KCNN3: variants seen among roughly 807,000 people sequenced by gnomAD.
The protein encoded by KCNN3 is potassium calcium-activated channel subfamily N member 3.
Under a neutral mutation model 62.9 loss-of-function variants are expected in KCNN3, and 16 were observed. That is an observed-to-expected ratio of 0.25 (90% CI 0.17 to 0.39). The LOEUF (loss-of-function observed/expected upper bound fraction) is 0.39. Among genes scored for constraint, KCNN3 ranks in the 10% least tolerant of loss-of-function variants. KCNN3 has a pLI of 1.00. For missense variants in KCNN3, 599 were observed against 949.4 expected, an observed-to-expected ratio of 0.63 and a Z score of 4.85; for synonymous variants, 370 against 389.2, an observed-to-expected ratio of 0.95 and a Z score of 0.58.
At chr1:154,710,878 C>A (rs965530613) in intron 7 of KCNN3, among the ~76,000 whole-genome samples, 4 of 152,144 alleles carry the variant, frequency 2.6e-5, no homozygotes, top group Admixed American at 1.3e-4. Context: ...AATAGGAACA[C>A]TTTTACACTG....
chr1:154,743,323 G>A (rs1379446872), intron 3 of KCNN3, among the ~76,000 whole-genome samples: 1 of 152,202 alleles, frequency 6.6e-6, no homozygotes, highest in Non-Finnish European at 1.5e-5. Flanking sequence ...GCTTGCCTCA[G>A]GCTAGTCCTG....
chr1:154,744,412 G>A (rs550744250), intron 3 of KCNN3, among the ~76,000 whole-genome samples: 1 of 152,260 alleles, frequency 6.6e-6, no homozygotes, highest in South Asian at 2.1e-4. Flanking sequence ...GTATTTTTTC[G>A]GCTGCTAAAG....
At chr1:154,856,294 T>C (rs964899431) in intron 1 of KCNN3, among the ~76,000 whole-genome samples, 2 of 151,788 alleles carry the variant, frequency 1.3e-5, no homozygotes, top group African/African-American at 4.8e-5. Context: ...CTCCTGAGAG[T>C]GAGAAAATCC....
At chr1:154,781,771 G>A (rs1270900703) in intron 2 of KCNN3, among the ~76,000 whole-genome samples, 2 of 152,230 alleles carry the variant, frequency 1.3e-5, no homozygotes, top group African/African-American at 4.8e-5. Flanking sequence ...CCCCCATTAT[G>A]TGACAGTCCT....
rs1216602752 is a variant in KCNN3, at chr1:154,722,564, A to AT, written c.1701+3351dup. 4.1e-4 allele frequency among the ~76,000 whole-genome samples: 59 copies of AT among 145,462 alleles called. 1 individual carries two copies. The highest frequency in any genetic ancestry group is 2.7e-3 in the South Asian group (12 of 4,526). On this transcript the variant is annotated intron_variant, in intron 5 of 7. Transcript: ENST00000271915. ...CACTACGCCCGGCTAATTTTTTTGGATTTTTTTTTAGTAGAGACAGCGTTT... is the reference window on the plus strand; with the variant it reads ...CACTACGCCCGGCTAATTTTTTTGGATTTTTTTTTTAGTAGAGACAGCGTTT...
intron 1 of KCNN3, among the ~76,000 whole-genome samples, chr1:154,842,644 C>A (rs1356621754): frequency 7.5e-6 from 1 of 132,598 alleles, no homozygotes; most frequent in Non-Finnish European, 1.7e-5. Flanking sequence ...CCCCCCGCCA[C>A]CACCTCCTCT....
Position 154,869,853 on chromosome 1 carries a change from G to C in KCNN3, c.112C>G (p.Gln38Glu). Reference sequence around the variant, plus strand: ...GCTGGCGGTGGTGGCTGCTGCTGCTGTTGCTGCTGCTGCTGCTGCTGCTGC... The same window carrying C: ...GCTGGCGGTGGTGGCTGCTGCTGCTCTTGCTGCTGCTGCTGCTGCTGCTGC... ...DEQQQQQQQQ[Q>E]QQQPPPPAPP... is the part of the protein sequence containing the mutation. The change falls in exon 1 of 8, where the codon CAG (glutamine) becomes GAG (glutamate). Residue 38 changes from glutamine (Q) to glutamate (E), a missense_variant. Around this residue, in one of 7 missense-constraint regions of KCNN3, gnomAD observed 59 missense variants for 62.4 expected, o/e 0.95. Transcript: ENST00000271915. The surrounding 1 kb of genome is among the most constrained non-coding windows in gnomAD (Gnocchi z 6.1). 4.4e-6 allele frequency: 7 copies of C among 1,584,470 alleles called. No individual in the cohort carries two copies. The highest frequency in any genetic ancestry group is 6.0e-6 in the Non-Finnish European group (7 of 1,164,376).
intron 1 of KCNN3, among the ~76,000 whole-genome samples, chr1:154,856,203 C>T (rs534651917): frequency 3.2e-4 from 48 of 152,190 alleles, no homozygotes; most frequent in Non-Finnish European, 2.5e-4. Context: ...AGGAGACAAG[C>T]AGGACTCGTG....
intron 3 of KCNN3, among the ~76,000 whole-genome samples, chr1:154,758,497 A>G (rs1571246049): frequency 6.6e-6 from 1 of 152,224 alleles, no homozygotes; most frequent in African/African-American, 2.4e-5. Flanking sequence ...GAGGGCCCGC[A>G]GGGGCTGTGT....
intron 2 of KCNN3, among the ~76,000 whole-genome samples, chr1:154,798,299 G>C (rs928300016): frequency 1.3e-5 from 2 of 152,218 alleles, no homozygotes; most frequent in African/African-American, 4.8e-5. Context: ...CCTATGCCAG[G>C]TGCTCTGACA....
intron 2 of KCNN3, among the ~76,000 whole-genome samples, chr1:154,789,336 T>G (rs2101860269): frequency 6.6e-6 from 1 of 152,256 alleles, no homozygotes; most frequent in African/African-American, 2.4e-5. Flanking sequence ...CATCTCAAGA[T>G]CCTTCATTTA....
rs1699972709 is a variant in KCNN3 at position 154,706,740 on chromosome 1, AT to A, written c.*1235del. On this transcript the variant is annotated 3_prime_UTR_variant, in exon 8 of 8. Transcript: ENST00000271915. The stretch of plus-strand genomic sequence containing the variant: ...GAAGGGACCACATAGGCCACTCTTC[AT>A]CACTTCTCCTCCTAGCTCAGAGGCT... The A allele has an allele frequency of 6.6e-6, 1 of 152,236 alleles. No individual in the cohort carries two copies. Among genetic ancestry groups the A allele is most frequent in the Non-Finnish European group, 1.5e-5 (1 of 68,032 alleles). 9.4% of individuals were successfully genotyped at this position (152,236 alleles called of 1,614,324 possible).
intron 1 of KCNN3, among the ~76,000 whole-genome samples, chr1:154,826,651 TC>T (rs1651147033): frequency 6.6e-6 from 1 of 152,050 alleles, no homozygotes; most frequent in African/African-American, 2.4e-5. Flanking sequence ...CAGCCTTTCC[TC>T]CCCTGAGGCT....
intron 1 of KCNN3, among the ~76,000 whole-genome samples, chr1:154,831,192 C>T (rs1418662889): frequency 6.6e-6 from 1 of 152,194 alleles, no homozygotes; most frequent in Non-Finnish European, 1.5e-5. Context: ...GCTGGCCCAC[C>T]TAGGATTCTT....
intron 3 of KCNN3, among the ~76,000 whole-genome samples, chr1:154,750,828 T>A (rs1253126567): frequency 6.6e-6 from 1 of 152,136 alleles, no homozygotes; most frequent in Non-Finnish European, 1.5e-5. Context: ...GGGATTCTCC[T>A]GGGGAGCATC....
chr1:154,717,531 G>A (rs1193301875), intron 5 of KCNN3, among the ~76,000 whole-genome samples: 1 of 150,136 alleles, frequency 6.7e-6, no homozygotes, highest in Non-Finnish European at 1.5e-5. Context: ...CAGGATCAAG[G>A]AACTGGAAAG....
chr1:154,731,125 C>T (rs1700584369), intron 4 of KCNN3, among the ~76,000 whole-genome samples: 1 of 152,204 alleles, frequency 6.6e-6, no homozygotes, highest in Admixed American at 6.5e-5. Flanking sequence ...CTGCTCTGTG[C>T]CAGCCCTGGC....
At chr1:154,846,484 C>T (rs995533505) in intron 1 of KCNN3, among the ~76,000 whole-genome samples, 9 of 152,190 alleles carry the variant, frequency 5.9e-5, no homozygotes, top group African/African-American at 2.2e-4. Flanking sequence ...TGTTTTATCA[C>T]TGACCTTGTT....
chr1:154,847,910 C>A (rs1652141775), intron 1 of KCNN3, among the ~76,000 whole-genome samples: 1 of 152,252 alleles, frequency 6.6e-6, no homozygotes, highest in African/African-American at 2.4e-5. Context: ...AGGCAACTTG[C>A]CCAACTGCAC....
Sources: allele counts gnomAD v4.1 joint callset (sites outside exome capture counted in the v4.1 genomes callset), GRCh38; gene constraint gnomAD v4.1.1; regional missense constraint gnomAD v4.1.1; non-coding constraint Gnocchi (gnomAD v3.1); transcripts MANE v1.5; gene names NCBI Gene and HGNC (gene_info 2026-07-23, HGNC 2026-07-21).